MYO16: variants seen among roughly 807,000 people sequenced by gnomAD.
MYO16 encodes myosin XVI, also known as unconventional myosin-XVI.
Under a neutral mutation model 205.3 loss-of-function variants are expected in MYO16, and 94 were observed. That is an observed-to-expected ratio of 0.46 (90% confidence interval 0.39 to 0.54). The LOEUF is 0.54. Ranked by LOEUF, MYO16 falls within the 20% of genes least tolerant of loss-of-function variation. MYO16 has a pLI of 0.00. For missense variants in MYO16, 2,315 were observed against 2,387.5 expected, an observed-to-expected ratio of 0.97 and a Z score of 0.63; for synonymous variants, 988 against 954.0, an observed-to-expected ratio of 1.04 and a Z score of -0.66.
intron 1 of MYO16, among the ~76,000 whole-genome samples, chr13:108,645,867 GA>G (rs1294222090): frequency 6.6e-6 from 1 of 152,160 alleles, no homozygotes; most frequent in East Asian, 1.9e-4. Flanking sequence ...ATCCACAGAG[GA>G]AGCGGAATCA....
intron 7 of MYO16, among the ~76,000 whole-genome samples, chr13:108,817,417 C>T (rs1443970843): frequency 3.3e-5 from 5 of 152,162 alleles, no homozygotes; most frequent in Admixed American, 3.3e-4. Context: ...CAAACATATA[C>T]ATTTCTGTGT....
At position 108,666,295 on chromosome 13, in the gene MYO16, T is replaced by A. The variant is rs1881727006; in HGVS notation, c.292+146T>A. ...ACTATCTTTTAACTGTTTGTATTAT[T>A]CAAGAAAAAAATGCTCTTTGCAAAG... On this transcript the variant is annotated intron_variant, in intron 2 of 34. Transcript: ENST00000457511. 5.3e-6 allele frequency: 5 copies of A among 949,998 alleles called. No homozygotes were observed. In the East Asian group the frequency reaches 1.3e-4, roughly 25 times the overall value. The allele number at this position is 949,998 out of a possible 1,614,324, so 58.8% of individuals were successfully genotyped here.
At chr13:108,968,584 C>T (rs1367637529) in intron 20 of MYO16, among the ~76,000 whole-genome samples, 1 of 151,986 alleles carries the variant, frequency 6.6e-6, no homozygotes, top group Non-Finnish European at 1.5e-5. Flanking sequence ...CGAGATCGTG[C>T]CACTGTAGTC....
At chr13:108,732,469 C>T (rs1007048020) in intron 4 of MYO16, among the ~76,000 whole-genome samples, 5 of 152,176 alleles carry the variant, frequency 3.3e-5, no homozygotes, top group Non-Finnish European at 7.4e-5. Flanking sequence ...TACGTGGATA[C>T]GTGGGTGCAA....
At chr13:108,897,116 G>A (rs1025387427) in intron 14 of MYO16, among the ~76,000 whole-genome samples, 2 of 152,112 alleles carry the variant, frequency 1.3e-5, no homozygotes, top group South Asian at 2.1e-4. Context: ...AAACTAGTCC[G>A]TGTATCAATA....
At chr13:108,796,830 A>C (rs1468109750) in intron 6 of MYO16, among the ~76,000 whole-genome samples, 1 of 150,126 alleles carries the variant, frequency 6.7e-6, no homozygotes, top group African/African-American at 2.5e-5. Context: ...TGACGAGTTA[A>C]TGGGTGCAGC....
At chr13:109,074,406 C>T (rs767034473) in intron 27 of MYO16, among the ~76,000 whole-genome samples, 12 of 152,160 alleles carry the variant, frequency 7.9e-5, no homozygotes, top group Admixed American at 2.6e-4. Context: ...CTCAGTTCTG[C>T]ATGGCTTGGG....
chr13:108,921,187 A>T (rs986730519), intron 16 of MYO16, among the ~76,000 whole-genome samples: 5 of 152,092 alleles, frequency 3.3e-5, no homozygotes, highest in African/African-American at 1.2e-4. Flanking sequence ...TTCCCACCTC[A>T]TAGGACATCC....
intron 4 of MYO16, among the ~76,000 whole-genome samples, chr13:108,730,084 A>C (rs538056109): frequency 6.6e-6 from 1 of 152,320 alleles, no homozygotes; most frequent in African/African-American, 2.4e-5. Context: ...TATCACAGGT[A>C]GCATATGATA....
chr13:108,879,461 C>T (rs61968586), intron 12 of MYO16, among the ~76,000 whole-genome samples: 13,314 of 152,034 alleles, frequency 0.088, 745 homozygotes, highest in Middle Eastern at 0.13. Flanking sequence ...GTGCTGCACC[C>T]GTTAATTCAT....
At chr13:108,895,094 G>A (rs1880348747) in intron 14 of MYO16, among the ~76,000 whole-genome samples, 1 of 152,048 alleles carries the variant, frequency 6.6e-6, no homozygotes, top group South Asian at 2.1e-4. Context: ...ATTTTTTATA[G>A]AGGATGCCAC....
intron 28 of MYO16, among the ~76,000 whole-genome samples, chr13:109,106,149 A>T (rs1364810193): frequency 1.3e-5 from 2 of 152,232 alleles, no homozygotes; most frequent in African/African-American, 2.4e-5. Flanking sequence ...GTCGCAGCAG[A>T]TATAGTTTTC....
chr13:108,906,204 G>A (rs956696087), intron 15 of MYO16, among the ~76,000 whole-genome samples: 1 of 152,108 alleles, frequency 6.6e-6, no homozygotes, highest in African/African-American at 2.4e-5. Context: ...GAAATAAGTG[G>A]GAGGAACTCA....
the MYO16 span, among the ~76,000 whole-genome samples, chr13:108,521,833 T>C: frequency 6.6e-6 from 1 of 152,172 alleles, no homozygotes; most frequent in African/African-American, 2.4e-5. Context: ...TCAGAAAAAG[T>C]TCCTATTTTG....
chr13:108,661,745 T>C (rs796762274), intron 1 of MYO16, among the ~76,000 whole-genome samples: 5 of 152,350 alleles, frequency 3.3e-5, no homozygotes, highest in African/African-American at 9.6e-5. Context: ...GGTCTCTCCC[T>C]GATTAGCTTA....
chr13:109,011,997 T>G (rs556466380), intron 22 of MYO16, among the ~76,000 whole-genome samples: 63 of 152,308 alleles, frequency 4.1e-4, no homozygotes, highest in African/African-American at 1.5e-3. Context: ...TATGTCTCTT[T>G]ACTTCCTGAG....
chr13:109,072,918 C>T (rs1393516637), intron 27 of MYO16, among the ~76,000 whole-genome samples: 1 of 152,170 alleles, frequency 6.6e-6, no homozygotes, highest in African/African-American at 2.4e-5. Context: ...CTTCCTTCAA[C>T]AAATATTTAT....
chr13:109,107,131 GAGAC>G (rs1889142864), intron 28 of MYO16, among the ~76,000 whole-genome samples: 1 of 152,120 alleles, frequency 6.6e-6, no homozygotes, highest in Non-Finnish European at 1.5e-5. Flanking sequence ...GTATGTAAAA[GAGAC>G]AGAGAGAGAG....
At chr13:108,837,618 CA>C (rs1876998039) in intron 9 of MYO16, among the ~76,000 whole-genome samples, 1 of 152,138 alleles carries the variant, frequency 6.6e-6, no homozygotes, top group Non-Finnish European at 1.5e-5. Context: ...CCAGAGATTT[CA>C]AAGGGCTTAA....
Sources: allele counts gnomAD v4.1 joint callset (sites outside exome capture counted in the v4.1 genomes callset), GRCh38; gene constraint gnomAD v4.1.1; transcripts MANE v1.5; gene names NCBI Gene and HGNC (gene_info 2026-07-23, HGNC 2026-07-21).